ANKRD30B: variants seen among roughly 807,000 people sequenced by gnomAD.
The protein encoded by ANKRD30B is ankyrin repeat domain-containing protein 30B.
In ANKRD30B, 144 loss-of-function variants were observed where a neutral mutation model predicts 202.2. The observed-to-expected ratio is 0.71, with a 90% CI of 0.62 to 0.82. ANKRD30B has a LOEUF of 0.82. Ranked by LOEUF, ANKRD30B falls within the 40% of genes least tolerant of loss-of-function variation. The pLI is 0.00. For synonymous variants in ANKRD30B, 508 were observed against 561.3 expected (o/e 0.91, Z 1.34); for missense variants, 1,487 against 1,669.1 (o/e 0.89, Z 1.90).
chr18:14,931,975 A>ACCCCAC, the ANKRD30B span, among the ~76,000 whole-genome samples: 1 of 10,098 alleles, frequency 9.9e-5, no homozygotes, highest in Non-Finnish European at 2.0e-4. Flanking sequence ...TCCCTCCTGT[A>ACCCCAC]CTGTCCCAGG....
chr18:14,938,626 C>G, the ANKRD30B span, among the ~76,000 whole-genome samples: 1 of 152,290 alleles, frequency 6.6e-6, no homozygotes, highest in Non-Finnish European at 1.5e-5. Flanking sequence ...TAATAACAGA[C>G]AGGACTTGGG....
At chr18:14,754,256 A>T (rs925572476) in intron 3 of ANKRD30B, among the ~76,000 whole-genome samples, 4 of 152,156 alleles carry the variant, frequency 2.6e-5, no homozygotes, top group African/African-American at 4.8e-5. Context: ...AGTTTGTATC[A>T]CCTACAGGAA....
chr18:14,916,614 G>T, the ANKRD30B span, among the ~76,000 whole-genome samples: 3 of 152,272 alleles, frequency 2.0e-5, no homozygotes, highest in East Asian at 5.8e-4. Context: ...TGTGGTGGGT[G>T]GGGGAGGTTG....
At chr18:14,789,819 T>TACTG (rs1474552158) in intron 15 of ANKRD30B, among the ~76,000 whole-genome samples, 1 of 152,198 alleles carries the variant, frequency 6.6e-6, no homozygotes, top group Non-Finnish European at 1.5e-5. Flanking sequence ...TGAAGTCAGG[T>TACTG]ACTGTGATGC....
intron 20 of ANKRD30B, among the ~76,000 whole-genome samples, chr18:14,798,370 A>T (rs1361916849): frequency 1.3e-5 from 2 of 152,136 alleles, no homozygotes; most frequent in African/African-American, 4.8e-5. Context: ...CAGGGATAAG[A>T]ATTTACAATA....
At chr18:14,926,549 G>C in the ANKRD30B span, among the ~76,000 whole-genome samples, 1 of 152,298 alleles carries the variant, frequency 6.6e-6, no homozygotes, top group South Asian at 2.1e-4. Context: ...GCTTTGTGTG[G>C]ATGGGCAAAT....
chr18:14,927,102 T>A, the ANKRD30B span, among the ~76,000 whole-genome samples: 1 of 152,312 alleles, frequency 6.6e-6, no homozygotes, highest in East Asian at 1.9e-4. Context: ...AAACTGTATG[T>A]TATTTAAAGT....
At chr18:14,776,336 T>A (rs1967350202) in intron 9 of ANKRD30B, among the ~76,000 whole-genome samples, 1 of 152,190 alleles carries the variant, frequency 6.6e-6, no homozygotes, top group African/African-American at 2.4e-5. Flanking sequence ...AACTTTTTCT[T>A]TAAAACAAAA....
the ANKRD30B span, among the ~76,000 whole-genome samples, chr18:14,874,491 C>T: frequency 6.6e-6 from 1 of 152,064 alleles, no homozygotes; most frequent in African/African-American, 2.4e-5. Flanking sequence ...TGAACATCAA[C>T]CTTAACAATT....
intron 24 of ANKRD30B, among the ~76,000 whole-genome samples, chr18:14,807,275 T>A (rs1969581347): frequency 6.6e-6 from 1 of 151,012 alleles, no homozygotes; most frequent in Non-Finnish European, 1.5e-5. Context: ...TGAGATATAT[T>A]TCTATGTCAA....
At position 14,782,530 on chromosome 18, in the gene ANKRD30B, C is replaced by T; in HGVS notation, c.1486C>T (p.Leu496Phe). The change falls in exon 12 of 44, where the codon CTC (leucine) becomes TTC (phenylalanine). Residue 496 changes from leucine to phenylalanine, a missense_variant. By Grantham distance (22) the Leu-to-Phe change is conservative. Around this residue, in one of 6 missense-constraint regions of ANKRD30B, gnomAD observed 889 missense variants for 841.4 expected, o/e 1.06. Transcript: ENST00000690538. The part of the protein sequence containing the change: ...DEEYSWDSGS[L>F]FESSAKTQVC... ...CTATTGATACTACTTTTAACAGAGT[C>T]TCTTTGAGAGTTCTGCAAAGACTCA... is the stretch of plus-strand genomic sequence containing the variant. 19 of 1,571,510 alleles carry T rather than the reference C, an allele frequency of 1.2e-5. No homozygotes were observed. Among genetic ancestry groups the T allele is most frequent in the Non-Finnish European group, 1.6e-5 (19 of 1,161,186 alleles).
chr18:14,913,519 C>G, the ANKRD30B span, among the ~76,000 whole-genome samples: 14 of 152,200 alleles, frequency 9.2e-5, no homozygotes, highest in Non-Finnish European at 1.6e-4. Context: ...AATTCACACT[C>G]TCTTTTAGGA....
At chr18:14,770,502 G>A (rs1966923279) in intron 8 of ANKRD30B, among the ~76,000 whole-genome samples, 1 of 152,052 alleles carries the variant, frequency 6.6e-6, no homozygotes, top group Non-Finnish European at 1.5e-5. Context: ...TTAAACAAAT[G>A]GAAAAGGATA....
the ANKRD30B span, among the ~76,000 whole-genome samples, chr18:14,866,413 G>A: frequency 4.6e-5 from 7 of 152,268 alleles, no homozygotes; most frequent in South Asian, 6.2e-4. Flanking sequence ...AGTGGTAGGC[G>A]GGAGGCTGGA....
At chr18:14,881,899 T>C in the ANKRD30B span, among the ~76,000 whole-genome samples, 1 of 152,174 alleles carries the variant, frequency 6.6e-6, no homozygotes, top group Non-Finnish European at 1.5e-5. Context: ...CAAAAGGTGT[T>C]CATAGTACCC....
chr18:14,775,444 A>T (rs1967298015), intron 9 of ANKRD30B, among the ~76,000 whole-genome samples: 1 of 152,242 alleles, frequency 6.6e-6, no homozygotes, highest in Admixed American at 6.5e-5. Context: ...CTGTAGTCTT[A>T]GTCTTGCTCA....
the ANKRD30B span, among the ~76,000 whole-genome samples, chr18:14,881,037 A>G: frequency 6.6e-6 from 1 of 152,168 alleles, no homozygotes; most frequent in East Asian, 1.9e-4. Context: ...GCAACCAGTG[A>G]CAGTTTGACT....
chr18:14,847,062 A>ATATG (rs1178059143), intron 39 of ANKRD30B, among the ~76,000 whole-genome samples: 6 of 28,600 alleles, frequency 2.1e-4, no homozygotes, highest in African/African-American at 1.0e-3. Context: ...ATATATATAT[A>ATATG]TATATATATA....
rs1301514305 is a variant in ANKRD30B, at chr18:14,830,064, A to G, written c.2775-1319A>G. On this transcript the variant is annotated intron_variant, in intron 33 of 43. Coordinates refer to ENST00000690538, the MANE Select transcript of ANKRD30B (RefSeq NM_001367607.2). ...CTCTGTTTAGTTGTTTTTCAGGAAC[A>G]GGTAAATACAGAGCTTATTGGTTGG... 3 of 154,368 alleles carry G rather than the reference A, an allele frequency of 1.9e-5. No individual in the cohort carries two copies. In the East Asian group the frequency reaches 5.8e-4, roughly 30 times the overall value. The allele number at this position is 154,368 out of a possible 1,614,324, so 9.6% of individuals were successfully genotyped here. A position where few individuals can be genotyped will look rare whatever the true frequency, so the allele number is the denominator to read the frequency against.
Sources: gnomAD v4.1 joint callset for allele counts (sites outside exome capture counted in the v4.1 genomes callset) on GRCh38, gnomAD v4.1.1 for gene constraint, gnomAD v4.1.1 regional missense constraint, MANE v1.5 for transcripts, NCBI Gene and HGNC (gene_info 2026-07-23, HGNC 2026-07-21) for gene names.